Variants in OLFM4 observed in about 807,000 individuals in gnomAD.
OLFM4 encodes the protein olfactomedin 4, also known as olfactomedin-4.
OLFM4 carries 22 observed loss-of-function variants against 25.5 expected under a neutral mutation model. The observed-to-expected ratio is 0.86, with a 90% CI of 0.62 to 1.23. OLFM4 has a LOEUF of 1.23. Ranked by LOEUF, OLFM4 falls within the 50% of genes most tolerant of loss-of-function variation. The pLI, the probability that OLFM4 is intolerant of heterozygous loss-of-function variation, is 0.00. For missense variants in OLFM4, 594 were observed against 619.4 expected (o/e 0.96, Z 0.44); for synonymous variants, 255 against 237.7 (o/e 1.07, Z -0.67).
intron 4 of OLFM4, among the ~76,000 whole-genome samples, chr13:53,045,962 G>T (rs1186673571): frequency 6.6e-6 from 1 of 152,088 alleles, no homozygotes; most frequent in Non-Finnish European, 1.5e-5. Flanking sequence ...TCTCCAGTTT[G>T]CTTGGGGATG....
chr13:53,035,668 G>A lies in OLFM4; in HGVS notation c.357+1168G>A, dbSNP rs568814324. 6.6e-5 allele frequency among the ~76,000 whole-genome samples: 10 copies of A among 152,158 alleles called. No individual in the cohort carries two copies. The South Asian group carries it at 1.2e-3, about 19-fold the overall frequency. ...TTGTCTCAGCAGGAACATTACATTT[G>A]ATGTGTCCAATATTAGACAAAAATT... On this transcript the variant is annotated intron_variant, in intron 2 of 4. Coordinates refer to ENST00000219022, the MANE Select transcript of OLFM4 (RefSeq NM_006418.5).
chr13:53,032,055 G>A (rs1269341799), intron 1 of OLFM4, among the ~76,000 whole-genome samples: 2 of 152,196 alleles, frequency 1.3e-5, no homozygotes, highest in African/African-American at 4.8e-5. Context: ...AGCATGCTGG[G>A]CTGATGATAA....
intron 4 of OLFM4, among the ~76,000 whole-genome samples, chr13:53,048,918 G>A (rs971314223): frequency 6.6e-6 from 1 of 152,118 alleles, no homozygotes; most frequent in Non-Finnish European, 1.5e-5. Context: ...CAACTCTTTG[G>A]ATAGTTATTA....
At chr13:53,046,766 A>AT (rs1954718025) in intron 4 of OLFM4, among the ~76,000 whole-genome samples, 2 of 152,176 alleles carry the variant, frequency 1.3e-5, no homozygotes, top group South Asian at 4.2e-4. Context: ...TCTTCTCTGT[A>AT]TTTTTCGTAA....
chr13:53,038,343 T>A (rs973260616), intron 2 of OLFM4, among the ~76,000 whole-genome samples: 1 of 152,192 alleles, frequency 6.6e-6, no homozygotes, highest in Non-Finnish European at 1.5e-5. Context: ...CATGTTCTGA[T>A]AAATGCATCG....
intron 1 of OLFM4, among the ~76,000 whole-genome samples, chr13:53,034,076 A>AAG (rs1555295524): frequency 3.4e-4 from 48 of 142,312 alleles, no homozygotes; most frequent in South Asian, 4.4e-4. Flanking sequence ...AAAAAAAAAA[A>AAG]AAAAAGCCTC....
intron 2 of OLFM4, among the ~76,000 whole-genome samples, chr13:53,038,680 C>T (rs1954671972): frequency 6.6e-6 from 1 of 152,166 alleles, no homozygotes; most frequent in Admixed American, 6.5e-5. Flanking sequence ...GCAGAAAGTG[C>T]CCCAAGTGCC....
chr13:53,050,576 G>T lies in OLFM4; in HGVS notation c.1338G>T (p.Met446Ile). Residue 446 changes from methionine to isoleucine, a missense_variant, in exon 5 of 5, where the codon ATG (methionine) becomes ATT (isoleucine). Coordinates refer to ENST00000219022, the MANE Select transcript of OLFM4 (RefSeq NM_006418.5). ...VCGVLYATRT[M>I]NTRTEEIFYY... is the part of the protein sequence containing the mutation. ...GGGTTCTGTATGCCACCCGTACTATGAACACCAGAACAGAAGAGATTTTTT... is the reference window on the plus strand; with the variant it reads ...GGGTTCTGTATGCCACCCGTACTATTAACACCAGAACAGAAGAGATTTTTT... The T allele has an allele frequency of 1.2e-6, 2 of 1,613,956 alleles. No individual in the cohort carries two copies. The highest frequency in any genetic ancestry group is 1.7e-6 in the Non-Finnish European group (2 of 1,179,964).
chr13:53,042,732 AT>A (rs1954694209), intron 3 of OLFM4, among the ~76,000 whole-genome samples: 1 of 152,228 alleles, frequency 6.6e-6, no homozygotes, highest in Non-Finnish European at 1.5e-5. Context: ...GTATTTTAGA[AT>A]TTAAGCTTTC....
Position 53,029,008 on chromosome 13 carries a change from C to G in OLFM4, c.172C>G (p.Arg58Gly). The G allele has an allele frequency of 1.9e-6, 3 of 1,614,160 alleles. No homozygotes were observed. Among genetic ancestry groups the G allele is most frequent in the Non-Finnish European group, 2.5e-6 (3 of 1,180,026 alleles). Residue 58 changes from arginine to glycine, a missense_variant, in exon 1 of 5, where the codon CGC becomes GGC. Physicochemically the swap from Arg to Gly is moderately radical, Grantham distance 125 (BLOSUM62 -2). Transcript: ENST00000219022. Reference sequence around the variant, plus strand: ...CTCCAGGTCGGGCTCCAGCTCCAGCCGCAGCTTAGGCAGCGGAGGTTCTGT... The same window carrying G: ...CTCCAGGTCGGGCTCCAGCTCCAGCGGCAGCTTAGGCAGCGGAGGTTCTGT... The part of the protein sequence containing the change: ...SSSRSGSSSS[R>G]SLGSGGSVSQ...
chr13:53,050,081 G>A lies in OLFM4; in HGVS notation c.843G>A (p.Gln281=). 6.2e-7 allele frequency: 1 copy of A among 1,614,006 alleles called. No homozygotes were observed. The highest frequency in any genetic ancestry group is 8.5e-7 in the Non-Finnish European group (1 of 1,179,930). The change falls in exon 5 of 5, where the codon CAG becomes CAA. Residue 281 remains glutamine (Q), a synonymous_variant. Transcript: ENST00000219022. Reference sequence around the variant, plus strand: ...CTTGGGGTAGGGATTACTCTCCCCAGCATCCAAACAAAGGACTGTATTGGG... The same window carrying A: ...CTTGGGGTAGGGATTACTCTCCCCAACATCCAAACAAAGGACTGTATTGGG... ...YGAWGRDYSP[Q]HPNKGLYWVA... is the part of the protein sequence containing the mutation.
At chr13:53,039,052 G>A (rs1302144424) in intron 2 of OLFM4, among the ~76,000 whole-genome samples, 1 of 151,944 alleles carries the variant, frequency 6.6e-6, no homozygotes, top group Non-Finnish European at 1.5e-5. Context: ...ATTTTTATAG[G>A]TAACAAACTC....
chr13:53,032,097 T>C (rs1954632199), intron 1 of OLFM4, among the ~76,000 whole-genome samples: 1 of 152,216 alleles, frequency 6.6e-6, no homozygotes, highest in African/African-American at 2.4e-5. Context: ...TCCACAGCTT[T>C]GGGACAGAGA....
chr13:53,037,328 G>T (rs1030806581), intron 2 of OLFM4, among the ~76,000 whole-genome samples: 11 of 152,202 alleles, frequency 7.2e-5, no homozygotes, highest in Admixed American at 7.2e-4. Context: ...GAGGCTTATG[G>T]TCTTTGGCAT....
At position 53,050,075 on chromosome 13, in the gene OLFM4, TC is replaced by T. The variant is rs769229344; in HGVS notation, c.841del (p.Gln281SerfsTer13). On this transcript the variant is annotated frameshift_variant, in exon 5 of 5. Transcript: ENST00000219022. LOFTEE classifies it low-confidence loss of function (END_TRUNC). ...ATGGTGCTTGGGGTAGGGATTACTC[TC>T]CCCAGCATCCAAACAAAGGACTGTA... ...LYGAWGRDYSPQHPNKGLYWV... is the reference protein window; with the variant it reads ...LYGAWGRDYSXQHPNKGLYWV... The T allele has an allele frequency of 1.9e-6, 3 of 1,613,990 alleles. No individual in the cohort carries two copies. The highest frequency in any genetic ancestry group is 1.6e-4 in the Middle Eastern group (1 of 6,062).
Position 53,028,947 on chromosome 13 carries a change from C to G in OLFM4, c.111C>G (p.Phe37Leu). 1.2e-6 allele frequency: 2 copies of G among 1,614,232 alleles called. No homozygotes were observed. Among genetic ancestry groups the G allele is most frequent in the Non-Finnish European group, 1.7e-6 (2 of 1,180,050 alleles). The change falls in exon 1 of 5, where the codon TTC (phenylalanine) becomes TTG (leucine). Residue 37 changes from phenylalanine to leucine, a missense_variant. Phe to Leu is a conservative substitution (Grantham distance 22). Coordinates refer to ENST00000219022, the MANE Select transcript of OLFM4 (RefSeq NM_006418.5). ...PPIPSPGFSS[F>L]PGVDSSSSFS... is the part of the protein sequence containing the mutation. ...TTCCCAGCCCCGGCTTCAGCTCTTT[C>G]CCAGGTGTTGACTCCAGCTCCAGCT...
At chr13:53,036,840 T>C (rs746943743) in intron 2 of OLFM4, among the ~76,000 whole-genome samples, 12 of 152,236 alleles carry the variant, frequency 7.9e-5, no homozygotes, top group Non-Finnish European at 1.5e-4. Flanking sequence ...AAACTGCAGT[T>C]CATAAAGGTA....
rs1222529473 is a variant in OLFM4 at position 53,050,372 on chromosome 13, T to C, written c.1134T>C (p.Val378=). The C allele has an allele frequency of 6.2e-7, 1 of 1,614,094 alleles. No homozygotes were observed. The highest frequency in any genetic ancestry group is 8.5e-7 in the Non-Finnish European group (1 of 1,179,970). ...AYNNRFSYAN[V]AWQDIDFAVD... ...ATAACCGCTTTTCATATGCTAATGT[T>C]GCTTGGCAAGATATTGACTTTGCTG... Residue 378 remains valine (V), a synonymous_variant, in exon 5 of 5, where the codon GTT becomes GTC. Transcript: ENST00000219022.
chr13:53,042,995 T>C (rs1293460070), intron 3 of OLFM4, 110 bp from the exon 4 acceptor site: 33 of 787,396 alleles, frequency 4.2e-5, no homozygotes, highest in Non-Finnish European at 1.4e-5. Flanking sequence ...CAGAAGAATC[T>C]CTGGTGTATT....
Sources: gnomAD v4.1 joint callset for allele counts (sites outside exome capture counted in the v4.1 genomes callset) on GRCh38, gnomAD v4.1.1 for gene constraint, MANE v1.5 for transcripts, NCBI Gene and HGNC (gene_info 2026-07-23, HGNC 2026-07-21) for gene names.